DMBT1: variants seen among roughly 807,000 people sequenced by gnomAD.
DMBT1 encodes scavenger receptor cysteine-rich domain-containing protein DMBT1.
In DMBT1, 198 loss-of-function variants were observed where a neutral mutation model predicts 252.9. That is an observed-to-expected ratio of 0.78 (90% CI 0.70 to 0.88). The LOEUF (loss-of-function observed/expected upper bound fraction) is 0.88. Ranked by LOEUF, DMBT1 falls within the 40% of genes least tolerant of loss-of-function variation. The probability of loss-of-function intolerance (pLI) is 0.00; values close to 1 mark genes in which losing one functional copy is unlikely to be tolerated. For missense variants in DMBT1, 2,432 were observed against 2,404.7 expected (o/e 1.01, Z -0.24); for synonymous variants, 990 against 942.7 (o/e 1.05, Z -0.92).
rs2098065637 is a variant in DMBT1, at chr10:122,621,286, C to T, written c.5514C>T (p.Cys1838=). The change falls in exon 44 of 56, where the codon TGC becomes TGT. Residue 1838 remains cysteine (C), a synonymous_variant. Transcript: ENST00000338354. ...CCATTGTCCTGGATGATGTGCGCTG[C>T]TCAGGGAATGAGTCCTACCTGTGGA... ...SGPIVLDDVR[C]SGNESYLWSC... 5.6e-6 allele frequency: 9 copies of T among 1,613,854 alleles called. No individual in the cohort carries two copies. The East Asian group carries it at 1.8e-4, about 32-fold the overall frequency.
chr10:122,563,341 C>T (rs2097564213), intron 1 of DMBT1, among the ~76,000 whole-genome samples: 1 of 152,208 alleles, frequency 6.6e-6, no homozygotes, highest in Admixed American at 6.5e-5. Context: ...AGTGTTACTA[C>T]TCTAGACATT....
At chr10:122,634,316 C>T (rs2098191742) in intron 52 of DMBT1, among the ~76,000 whole-genome samples, 2 of 151,240 alleles carry the variant, frequency 1.3e-5, no homozygotes, top group African/African-American at 2.4e-5. Flanking sequence ...TCGTTTTAAG[C>T]AGAGAGGACA....
In DMBT1 at chr10:122,592,403, G is replaced by C; in HGVS notation, c.2308G>C (p.Val770Leu). 1 of 1,588,592 alleles carries C rather than the reference G, an allele frequency of 6.3e-7. No homozygotes were observed. The highest frequency in any genetic ancestry group is 1.3e-5 in the African/African-American group (1 of 74,638). Residue 770 changes from valine to leucine, a missense_variant, in exon 20 of 56, where the codon GTC becomes CTC. Coordinates refer to ENST00000338354, the MANE Select transcript of DMBT1 (RefSeq NM_001377530.1). The stretch of plus-strand genomic sequence containing the variant: ...CTGGGATACCAATGATGCCAATGTG[G>C]TCTGCAGGCAGCTGGGCTGTGGCTG... ...DSWDTNDANV[V>L]CRQLGCGWAT...
chr10:122,621,690 G>A (rs2098070839), intron 44 of DMBT1, among the ~76,000 whole-genome samples: 2 of 152,208 alleles, frequency 1.3e-5, no homozygotes, highest in Non-Finnish European at 2.9e-5. Context: ...GTAGCACTGG[G>A]TGAGGGTATG....
chr10:122,635,187 C>T (rs2098216484), intron 52 of DMBT1, among the ~76,000 whole-genome samples: 1 of 152,228 alleles, frequency 6.6e-6, no homozygotes, highest in Admixed American at 6.5e-5. Flanking sequence ...ATTTGAGCTT[C>T]ACCATAGCCC....
In DMBT1 at chr10:122,586,061, A is replaced by G. The variant is rs1426593074; in HGVS notation, c.1461A>G (p.Gly487=). The G allele has an allele frequency of 2.5e-6, 4 of 1,588,412 alleles. No homozygotes were observed. The highest frequency in any genetic ancestry group is 3.4e-6 in the Non-Finnish European group (4 of 1,165,944). ...PTITLPASTV[G]SESSLALRLV... ...AAGGGTTCTTGTTTTCCCCTGTAGG[A>G]TCTGAATCCAGTTTGGCCCTGAGGC... The change falls in exon 16 of 56, where the codon GGA becomes GGG. Residue 487 remains glycine, a splice_region_variant and synonymous_variant. Coordinates refer to ENST00000338354, the MANE Select transcript of DMBT1 (RefSeq NM_001377530.1).
intron 40 of DMBT1, 75 bp from the exon 41 acceptor site, chr10:122,617,942 C>T (rs1419291522): frequency 6.3e-7 from 1 of 1,593,496 alleles, no homozygotes; most frequent in Non-Finnish European, 8.5e-7. Context: ...TAGGAAGTAC[C>T]CTGAGTGTGG....
chr10:122,631,804 C>A (rs1013758343), intron 49 of DMBT1, 51 bp from the exon 50 acceptor site: 1 of 1,609,134 alleles, frequency 6.2e-7, no homozygotes, highest in Admixed American at 1.7e-5. Context: ...TCCGGCCCCT[C>A]CTCCAAGCCA....
At chr10:122,622,883 C>A (rs1398440619) in intron 44 of DMBT1, among the ~76,000 whole-genome samples, 1 of 152,134 alleles carries the variant, frequency 6.6e-6, no homozygotes, top group African/African-American at 2.4e-5. Flanking sequence ...TCAGTTGGAC[C>A]CTTCCTTTCT....
intron 2 of DMBT1, among the ~76,000 whole-genome samples, chr10:122,569,203 C>T (rs1284242273): frequency 2.0e-5 from 3 of 152,114 alleles, no homozygotes; most frequent in African/African-American, 7.2e-5. Context: ...AGCATCACGA[C>T]CACCCCCGGC....
At chr10:122,564,508 A>C (rs2097573218) in intron 1 of DMBT1, among the ~76,000 whole-genome samples, 1 of 87,712 alleles carries the variant, frequency 1.1e-5, no homozygotes, top group African/African-American at 3.5e-5. Flanking sequence ...AGTAAAAAGA[A>C]AAGGAATAAT....
In DMBT1 at chr10:122,570,153, A is replaced by AT; in HGVS notation, c.92-9_92-8insT. ...ACCATCAATGAGCTCTTCCTTTTCCACCTCGCAGCTTCACTGATTCCCTCG... is the reference window on the plus strand; with the variant it reads ...ACCATCAATGAGCTCTTCCTTTTCCATCCTCGCAGCTTCACTGATTCCCTCG... On this transcript the variant is annotated splice_polypyrimidine_tract_variant and intron_variant, in intron 2 of 55. Transcript: ENST00000338354. The AT allele has an allele frequency of 6.3e-7, 1 of 1,592,154 alleles. No individual in the cohort carries two copies. Among genetic ancestry groups the AT allele is most frequent in the Admixed American group, 1.7e-5 (1 of 59,930 alleles).
chr10:122,576,766 C>T (rs2097715967), intron 7 of DMBT1, 44 bp downstream of exon 7: 2 of 1,608,504 alleles, frequency 1.2e-6, no homozygotes, highest in Admixed American at 1.7e-5. Flanking sequence ...GTGGCTCATG[C>T]CTTTAATCCC....
chr10:122,600,611 C>T (rs144834555), intron 27 of DMBT1, among the ~76,000 whole-genome samples: 2,280 of 152,264 alleles, frequency 0.015, 22 homozygotes, highest in Non-Finnish European at 0.024. Context: ...TAACCAGAAA[C>T]CTGATTCCTG....
chr10:122,634,777 G>A (rs2133686971), intron 52 of DMBT1, among the ~76,000 whole-genome samples: 1 of 152,204 alleles, frequency 6.6e-6, no homozygotes, highest in Non-Finnish European at 1.5e-5. Flanking sequence ...GATTACAGGT[G>A]TGAGCCACCA....
In DMBT1 at chr10:122,630,008, G is replaced by A; in HGVS notation, c.5822+15G>A. 6.2e-7 allele frequency: 1 copy of A among 1,613,782 alleles called. No individual in the cohort carries two copies. Among genetic ancestry groups the A allele is most frequent in the Non-Finnish European group, 8.5e-7 (1 of 1,179,774 alleles). On this transcript the variant is annotated intron_variant, in intron 47 of 55. Transcript: ENST00000338354. ...AGTAATCTGAAGTAAGTAATGCCTGGTCATCTGGTGAGGGGTGAGTTCCTC... is the reference window on the plus strand; with the variant it reads ...AGTAATCTGAAGTAAGTAATGCCTGATCATCTGGTGAGGGGTGAGTTCCTC...
At chr10:122,639,336 A>T (rs1844070558) in intron 54 of DMBT1, among the ~76,000 whole-genome samples, 1 of 152,184 alleles carries the variant, frequency 6.6e-6, no homozygotes, top group Admixed American at 6.5e-5. Flanking sequence ...AGACCACCAA[A>T]CAAGCTTTGT....
At chr10:122,565,174 C>T (rs1565524355) in intron 1 of DMBT1, among the ~76,000 whole-genome samples, 3 of 152,086 alleles carry the variant, frequency 2.0e-5, no homozygotes, top group Non-Finnish European at 4.4e-5. Context: ...AATAATGATG[C>T]AATACTTTCT....
rs1366115774 is a variant in DMBT1 at position 122,640,292 on chromosome 10, A to T, written c.7195A>T (p.Thr2399Ser). ...TTCCTCATCTTTCTTGTATCCTGTG[A>T]CCAGCCGCCCTTACTACGTGGACCT... ...YTSSSFLYPV[T>S]SRPYYVDLNQ... The change falls in exon 55 of 56, where the codon ACC becomes TCC. Residue 2399 changes from threonine (T) to serine (S), a missense_variant. Physicochemically the swap from Thr to Ser is moderately conservative, Grantham distance 58. Coordinates refer to ENST00000338354, the MANE Select transcript of DMBT1 (RefSeq NM_001377530.1). 6.2e-7 allele frequency: 1 copy of T among 1,614,022 alleles called. No homozygotes were observed. The highest frequency in any genetic ancestry group is 8.5e-7 in the Non-Finnish European group (1 of 1,179,890).
Sources: allele counts gnomAD v4.1 joint callset (sites outside exome capture counted in the v4.1 genomes callset), GRCh38; gene constraint gnomAD v4.1.1; transcripts MANE v1.5; gene names NCBI Gene and HGNC (gene_info 2026-07-23, HGNC 2026-07-21).